UNC13C: variants seen among roughly 807,000 people sequenced by gnomAD.
The protein encoded by UNC13C is unc-13 homolog C, also known as protein unc-13 homolog C.
A neutral mutation model predicts 245.4 loss-of-function variants in UNC13C; 174 were observed. The ratio of observed to expected loss-of-function variants is 0.71; its 90% confidence interval spans 0.63 to 0.80. The LOEUF (loss-of-function observed/expected upper bound fraction) is 0.80. Ranked by LOEUF, UNC13C falls within the 30% of genes least tolerant of loss-of-function variation. The probability of loss-of-function intolerance (pLI) is 0.00; values close to 1 mark genes in which losing one functional copy is unlikely to be tolerated. For missense variants in UNC13C, 2,829 were observed against 2,602.9 expected (o/e 1.09, Z -1.89); for synonymous variants, 992 against 895.1 (o/e 1.11, Z -1.93).
chr15:53,946,775 C>T, the UNC13C span, among the ~76,000 whole-genome samples: 1 of 128,798 alleles, frequency 7.8e-6, no homozygotes, highest in Non-Finnish European at 1.6e-5. Context: ...CATTTTAGTT[C>T]TGCTTATGTA....
chr15:53,871,912 T>C, the UNC13C span, among the ~76,000 whole-genome samples: 4 of 152,308 alleles, frequency 2.6e-5, no homozygotes, highest in African/African-American at 9.6e-5. Context: ...AAAAGAAAGT[T>C]GTGCAGGAAA....
intron 19 of UNC13C, among the ~76,000 whole-genome samples, chr15:54,471,392 T>C (rs979982670): frequency 2.0e-5 from 3 of 151,672 alleles, no homozygotes; most frequent in African/African-American, 7.2e-5. Context: ...AAGTTGGGTG[T>C]ATAGATCTTT....
intron 13 of UNC13C, among the ~76,000 whole-genome samples, chr15:54,318,091 C>T (rs960975813): frequency 1.3e-5 from 2 of 151,908 alleles, no homozygotes; most frequent in African/African-American, 4.8e-5. Context: ...GAACAGTATT[C>T]TCTGATGTAT....
chr15:54,119,555 C>T (rs1023134856), intron 2 of UNC13C, among the ~76,000 whole-genome samples: 2 of 151,946 alleles, frequency 1.3e-5, no homozygotes, highest in African/African-American at 4.8e-5. Context: ...GAAATTAGGC[C>T]AATTAGTAAC....
At chr15:54,261,444 G>A (rs2036421386) in intron 8 of UNC13C, among the ~76,000 whole-genome samples, 1 of 152,192 alleles carries the variant, frequency 6.6e-6, no homozygotes, top group Non-Finnish European at 1.5e-5. Flanking sequence ...TTATGAATTT[G>A]TCTCTATCTC....
At chr15:54,071,384 A>C (rs926051529) in intron 2 of UNC13C, among the ~76,000 whole-genome samples, 8 of 152,182 alleles carry the variant, frequency 5.3e-5, no homozygotes, top group Non-Finnish European at 1.0e-4. Context: ...TGTAGAAGTA[A>C]TGGGTATTGT....
At chr15:54,388,105 AAC>A (rs1172613533) in intron 17 of UNC13C, among the ~76,000 whole-genome samples, 1 of 152,118 alleles carries the variant, frequency 6.6e-6, no homozygotes, top group African/African-American at 2.4e-5. Flanking sequence ...TGAATGACGA[AAC>A]ACAAATATCC....
At position 54,456,648 on chromosome 15, in the gene UNC13C, A is replaced by C. The variant is rs950308783; in HGVS notation, c.4934-37960A>C. On this transcript the variant is annotated intron_variant, in intron 19 of 32. Transcript: ENST00000260323. ...TTTATTTATTTATAGTTGTTGCAAA[A>C]GGGTTTGAGTTCTTGATTTGATTCT... Among the ~76,000 whole-genome samples, 4 of 150,344 alleles carry C rather than the reference A, an allele frequency of 2.7e-5. No homozygotes were observed. The Admixed American group carries it at 2.7e-4, about 10-fold the overall frequency.
intron 19 of UNC13C, among the ~76,000 whole-genome samples, chr15:54,451,544 G>A (rs1891178048): frequency 6.6e-6 from 1 of 151,894 alleles, no homozygotes. Flanking sequence ...GCTGGATCTA[G>A]TCTTTTGTTG....
intron 11 of UNC13C, among the ~76,000 whole-genome samples, chr15:54,294,670 T>A (rs2037384694): frequency 6.6e-6 from 1 of 152,174 alleles, no homozygotes; most frequent in Non-Finnish European, 1.5e-5. Context: ...CATAGAATTT[T>A]CTGTGGTGAT....
At chr15:54,255,813 A>AT (rs2036265048) in intron 8 of UNC13C, among the ~76,000 whole-genome samples, 1 of 152,148 alleles carries the variant, frequency 6.6e-6, no homozygotes, top group South Asian at 2.1e-4. Context: ...ACCCCCTTCC[A>AT]TATCGCTACC....
At chr15:54,156,108 C>T (rs576991932) in intron 4 of UNC13C, among the ~76,000 whole-genome samples, 26 of 152,182 alleles carry the variant, frequency 1.7e-4, no homozygotes, top group African/African-American at 4.1e-4. Context: ...GTGAAAATGA[C>T]GGGGAAGAAA....
At chr15:53,892,055 C>G in the UNC13C span, among the ~76,000 whole-genome samples, 1 of 151,978 alleles carries the variant, frequency 6.6e-6, no homozygotes, top group South Asian at 2.1e-4. Flanking sequence ...AGGCAAGAGC[C>G]TTACACCACC....
chr15:54,307,092 T>C (rs1181699094), intron 13 of UNC13C, among the ~76,000 whole-genome samples: 1 of 152,004 alleles, frequency 6.6e-6, no homozygotes, highest in African/African-American at 2.4e-5. Flanking sequence ...ATTCAATAGA[T>C]TTTCTGAGGA....
intron 19 of UNC13C, among the ~76,000 whole-genome samples, chr15:54,474,231 A>G (rs1892608193): frequency 6.6e-6 from 1 of 151,914 alleles, no homozygotes. Context: ...TCTTATTTTT[A>G]GTTTTTATGA....
chr15:54,171,853 T>G (rs2033410479), intron 4 of UNC13C, among the ~76,000 whole-genome samples: 1 of 152,106 alleles, frequency 6.6e-6, no homozygotes, highest in Admixed American at 6.6e-5. Flanking sequence ...GGAAGCAACC[T>G]AAGTGTCCCA....
chr15:53,992,796 A>G (rs1213413621), intron 1 of UNC13C, among the ~76,000 whole-genome samples: 2 of 152,066 alleles, frequency 1.3e-5, no homozygotes, highest in Non-Finnish European at 2.9e-5. Flanking sequence ...TCAGCTTTAC[A>G]TTAGTAATTA....
intron 4 of UNC13C, among the ~76,000 whole-genome samples, chr15:54,203,935 C>T (rs1404810441): frequency 7.4e-6 from 1 of 134,654 alleles, no homozygotes; most frequent in Admixed American, 7.5e-5. Flanking sequence ...TGTATATATA[C>T]ACACACACAC....
chr15:54,332,224 G>A, intron 15 of UNC13C, 113 bp downstream of exon 15: 2 of 718,296 alleles, frequency 2.8e-6, no homozygotes, highest in Non-Finnish European at 4.5e-6. Flanking sequence ...ATTGATCTCA[G>A]GTGCTGTTAC....
Sources: allele counts gnomAD v4.1 joint callset (sites outside exome capture counted in the v4.1 genomes callset), GRCh38; gene constraint gnomAD v4.1.1; transcripts MANE v1.5; gene names NCBI Gene and HGNC (gene_info 2026-07-23, HGNC 2026-07-21).